ST8SIA6: variants seen among roughly 807,000 people sequenced by gnomAD.
The protein encoded by ST8SIA6 is alpha-2,8-sialyltransferase 8F.
Under a neutral mutation model 33.6 loss-of-function variants are expected in ST8SIA6, and 39 were observed. The ratio of observed to expected loss-of-function variants is 1.16; its 90% CI spans 0.90 to 1.52. The LOEUF (loss-of-function observed/expected upper bound fraction) is 1.52, where lower values mean the gene tolerates loss of function less well. Among genes scored for constraint, ST8SIA6 ranks in the 40% most tolerant of loss-of-function variants. The pLI is 0.00. For synonymous variants in ST8SIA6, 172 were observed against 167.2 expected, an observed-to-expected ratio of 1.03 and a Z score of -0.22; for missense variants, 441 against 443.8, an observed-to-expected ratio of 0.99 and a Z score of 0.06.
chr10:17,429,422 T>G (rs2131719634), intron 2 of ST8SIA6, among the ~76,000 whole-genome samples: 1 of 151,534 alleles, frequency 6.6e-6, no homozygotes, highest in East Asian at 2.0e-4. Context: ...TGGCCGCCTC[T>G]TCCTCCACCT....
intron 1 of ST8SIA6, 38 bp from the exon 2 acceptor site, chr10:17,453,695 C>T (rs374099274): frequency 5.8e-5 from 73 of 1,261,130 alleles, no homozygotes; most frequent in Non-Finnish European, 6.9e-5. Context: ...TGCTACACCC[C>T]GCCGGGAGCT....
chr10:17,347,951 C>T (rs1232588472), intron 4 of ST8SIA6, among the ~76,000 whole-genome samples: 3 of 55,424 alleles, frequency 5.4e-5, no homozygotes, highest in South Asian at 1.7e-3. Context: ...GAGACTCTGT[C>T]TCAAAAAAAA....
chr10:17,356,860 A>T (rs1849207733), intron 4 of ST8SIA6, among the ~76,000 whole-genome samples: 1 of 152,166 alleles, frequency 6.6e-6, no homozygotes, highest in Admixed American at 6.5e-5. Flanking sequence ...TGCAGCAGTG[A>T]CTTTCATACA....
chr10:17,328,445 T>G (rs1356271380), intron 5 of ST8SIA6, among the ~76,000 whole-genome samples: 1 of 152,200 alleles, frequency 6.6e-6, no homozygotes, highest in East Asian at 1.9e-4. Context: ...AACTTTTCAA[T>G]TCAATGGTGC....
chr10:17,446,811 C>T (rs1852723177), intron 2 of ST8SIA6, among the ~76,000 whole-genome samples: 1 of 151,570 alleles, frequency 6.6e-6, no homozygotes. Flanking sequence ...GCCTGTAATC[C>T]TAACACTTTG....
intron 3 of ST8SIA6, among the ~76,000 whole-genome samples, chr10:17,385,849 C>G (rs376967656): frequency 1.3e-3 from 193 of 152,208 alleles, no homozygotes; most frequent in African/African-American, 4.6e-3. Flanking sequence ...GTGTCACGGG[C>G]GCATTCTCAA....
At chr10:17,334,278 G>T (rs984520287) in intron 4 of ST8SIA6, among the ~76,000 whole-genome samples, 1 of 151,238 alleles carries the variant, frequency 6.6e-6, no homozygotes, top group African/African-American at 2.4e-5. Context: ...GGTGGCTCAC[G>T]CCTGTAATCC....
chr10:17,393,721 G>A (rs552654962), intron 2 of ST8SIA6, among the ~76,000 whole-genome samples: 1 of 152,304 alleles, frequency 6.6e-6, no homozygotes, highest in East Asian at 1.9e-4. Flanking sequence ...TAGGAGATTG[G>A]ATGTGGGAAG....
At chr10:17,356,333 T>C (rs1025648102) in intron 4 of ST8SIA6, among the ~76,000 whole-genome samples, 4 of 152,066 alleles carry the variant, frequency 2.6e-5, no homozygotes, top group Non-Finnish European at 5.9e-5. Context: ...TAAATAAATG[T>C]CTGTGTGCCT....
chr10:17,448,124 C>T (rs996506842), intron 2 of ST8SIA6, among the ~76,000 whole-genome samples: 9 of 152,040 alleles, frequency 5.9e-5, no homozygotes, highest in Non-Finnish European at 1.2e-4. Context: ...TCTAATTAGC[C>T]TTACCAATTA....
chr10:17,367,307 G>T (rs1245317167), intron 3 of ST8SIA6, among the ~76,000 whole-genome samples: 2 of 152,142 alleles, frequency 1.3e-5, no homozygotes, highest in Non-Finnish European at 2.9e-5. Flanking sequence ...ATGGTGGCAG[G>T]CAAGAGAATA....
intron 2 of ST8SIA6, among the ~76,000 whole-genome samples, chr10:17,405,900 A>AAG (rs1851240466): frequency 6.6e-6 from 1 of 151,796 alleles, no homozygotes; most frequent in Non-Finnish European, 1.5e-5. Context: ...AAAAAAAAAA[A>AAG]AAGAAGAAAG....
intron 2 of ST8SIA6, among the ~76,000 whole-genome samples, chr10:17,431,724 G>T (rs1852107629): frequency 6.9e-6 from 1 of 144,370 alleles, no homozygotes; most frequent in African/African-American, 2.8e-5. Context: ...TGTGCCTCAT[G>T]GTCTTCGTTT....
rs902968504 is a variant in ST8SIA6, at chr10:17,416,720, G to A, written c.201-26100C>T. Among the ~76,000 whole-genome samples, 3 of 152,284 alleles carry A rather than the reference G, an allele frequency of 2.0e-5. No homozygotes were observed. The East Asian group carries it at 5.8e-4, about 29-fold the overall frequency. On this transcript the variant is annotated intron_variant, in intron 2 of 7. Coordinates refer to ENST00000377602, the MANE Select transcript of ST8SIA6 (RefSeq NM_001004470.3). Reference sequence around the variant, plus strand: ...CAGCTCTTGTCTGGATGGAAGCCATGGCCCCATAAGTAGTCTTTCTGCTTC... The same window carrying A: ...CAGCTCTTGTCTGGATGGAAGCCATAGCCCCATAAGTAGTCTTTCTGCTTC...
intron 4 of ST8SIA6, among the ~76,000 whole-genome samples, chr10:17,348,684 T>G (rs1396031436): frequency 6.6e-6 from 1 of 152,196 alleles, no homozygotes. Context: ...CACGGTTCGC[T>G]GTGGAATTCA....
intron 3 of ST8SIA6, among the ~76,000 whole-genome samples, chr10:17,384,805 C>T (rs188297385): frequency 1.1e-4 from 16 of 152,254 alleles, no homozygotes; most frequent in Admixed American, 5.9e-4. Context: ...TATGGACTTC[C>T]GAGTAATTGG....
intron 4 of ST8SIA6, among the ~76,000 whole-genome samples, chr10:17,345,076 C>T (rs1009581092): frequency 3.3e-5 from 5 of 152,122 alleles, no homozygotes; most frequent in Admixed American, 1.3e-4. Context: ...AACACGGTGC[C>T]GTCAGTCTAC....
intron 3 of ST8SIA6, among the ~76,000 whole-genome samples, chr10:17,379,564 C>A (rs1016706591): frequency 1.3e-5 from 2 of 152,172 alleles, no homozygotes; most frequent in African/African-American, 4.8e-5. Flanking sequence ...TGATTGCCTC[C>A]ATTGGAAAGA....
At chr10:17,383,053 C>A (rs1353250715) in intron 3 of ST8SIA6, among the ~76,000 whole-genome samples, 1 of 151,828 alleles carries the variant, frequency 6.6e-6, no homozygotes, top group East Asian at 1.9e-4. Flanking sequence ...ATGTAATTGG[C>A]TTCATGCTGT....
Sources: gnomAD v4.1 joint callset for allele counts (sites outside exome capture counted in the v4.1 genomes callset) on GRCh38, gnomAD v4.1.1 for gene constraint, MANE v1.5 for transcripts, NCBI Gene and HGNC (gene_info 2026-07-23, HGNC 2026-07-21) for gene names.